Variants in FAM227B observed in about 807,000 individuals in gnomAD.
FAM227B encodes the protein protein FAM227B.
In FAM227B, 88 loss-of-function variants were observed where a neutral mutation model predicts 73.8. The observed-to-expected ratio is 1.19, with a 90% CI of 1.00 to 1.42. The LOEUF is 1.42. Ranked by LOEUF, FAM227B falls within the 40% of genes most tolerant of loss-of-function variation. The pLI is 0.00. For missense variants in FAM227B, 632 were observed against 590.9 expected (o/e 1.07, Z -0.72); for synonymous variants, 210 against 190.5 (o/e 1.10, Z -0.84).
chr15:49,599,330 C>G lies in FAM227B; in HGVS notation c.106-9323G>C, dbSNP rs568850470. ...GATTCTATTTATTTGAATCTTTCTT[C>G]TTTTTTTCCCTTAGTTTAGCTAGAG... On this transcript the variant is annotated intron_variant, in intron 3 of 15. Transcript: ENST00000299338. 7.2e-5 allele frequency among the ~76,000 whole-genome samples: 11 copies of G among 151,978 alleles called. No individual in the cohort carries two copies. The South Asian group carries it at 1.9e-3, about 26-fold the overall frequency.
At chr15:49,500,582 T>C (rs2058057317) in intron 11 of FAM227B, among the ~76,000 whole-genome samples, 2 of 152,220 alleles carry the variant, frequency 1.3e-5, no homozygotes, top group Admixed American at 1.3e-4. Flanking sequence ...CGAGAATAGC[T>C]AAAATTAAAA....
At chr15:49,460,559 T>A (rs1358826823) in intron 11 of FAM227B, among the ~76,000 whole-genome samples, 1 of 152,166 alleles carries the variant, frequency 6.6e-6, no homozygotes, top group Non-Finnish European at 1.5e-5. Flanking sequence ...CAGGCGATCA[T>A]TACCAAATAT....
intron 14 of FAM227B, among the ~76,000 whole-genome samples, chr15:49,334,734 T>C (rs1026796728): frequency 6.6e-6 from 1 of 152,138 alleles, no homozygotes; most frequent in African/African-American, 2.4e-5. Context: ...TTACTTCTCT[T>C]GGAGGTGCTC....
intron 3 of FAM227B, among the ~76,000 whole-genome samples, chr15:49,605,449 C>G (rs1275434910): frequency 6.6e-6 from 1 of 152,242 alleles, no homozygotes; most frequent in African/African-American, 2.4e-5. Flanking sequence ...AGCCTGTACA[C>G]TTAATCTGTG....
chr15:49,384,642 T>C (rs984428319), intron 11 of FAM227B, among the ~76,000 whole-genome samples: 1 of 152,014 alleles, frequency 6.6e-6, no homozygotes, highest in African/African-American at 2.4e-5. Context: ...TTATACCAGA[T>C]TGGCATTGTT....
chr15:49,413,670 T>A (rs909449745), intron 11 of FAM227B, among the ~76,000 whole-genome samples: 3 of 152,122 alleles, frequency 2.0e-5, no homozygotes, highest in Admixed American at 2.0e-4. Context: ...TTATACTTGC[T>A]AATTACAATC....
At chr15:49,581,777 T>C (rs1161223113) in intron 5 of FAM227B, among the ~76,000 whole-genome samples, 11 of 151,908 alleles carry the variant, frequency 7.2e-5, no homozygotes, top group Admixed American at 6.6e-4. Context: ...CTTCAGGGAG[T>C]GCTAAATACG....
chr15:49,402,428 ATTTG>A (rs2048232327), intron 11 of FAM227B, among the ~76,000 whole-genome samples: 1 of 152,134 alleles, frequency 6.6e-6, no homozygotes, highest in African/African-American at 2.4e-5. Context: ...AGGTTTTTCC[ATTTG>A]TTTGTGTCCT....
At chr15:49,569,790 C>T (rs142300785) in intron 8 of FAM227B, among the ~76,000 whole-genome samples, 11 of 152,062 alleles carry the variant, frequency 7.2e-5, no homozygotes, top group Non-Finnish European at 1.5e-4. Flanking sequence ...TGCCATTCAG[C>T]CCAGCCTCTG....
chr15:49,367,633 G>A lies in FAM227B; in HGVS notation c.1111-25C>T, dbSNP rs778236216. ...ACTGTAAGAGGAAGAAAATAATCAA[G>A]ACAACGATTACTTTTGTGTTTCTAA... On this transcript the variant is annotated intron_variant, in intron 12 of 15. Coordinates refer to ENST00000299338, the MANE Select transcript of FAM227B (RefSeq NM_152647.3). The A allele has an allele frequency of 2.6e-6, 4 of 1,529,288 alleles. No homozygotes were observed. The African/African-American group carries it at 5.8e-5, about 22-fold the overall frequency. The allele number at this position is 1,529,288 out of a possible 1,614,324, so 94.7% of individuals were successfully genotyped here. A position where few individuals can be genotyped will look rare whatever the true frequency, so the allele number is the denominator to read the frequency against.
At chr15:49,386,698 C>T (rs978276939) in intron 11 of FAM227B, among the ~76,000 whole-genome samples, 6 of 151,340 alleles carry the variant, frequency 4.0e-5, no homozygotes, top group Non-Finnish European at 8.9e-5. Context: ...TACAAAAGAT[C>T]AATGAAACAA....
intron 3 of FAM227B, among the ~76,000 whole-genome samples, chr15:49,604,399 G>A (rs2077384390): frequency 6.6e-6 from 1 of 151,944 alleles, no homozygotes; most frequent in Admixed American, 6.5e-5. Flanking sequence ...TGGATTTCAA[G>A]GTATCTGCTG....
intron 11 of FAM227B, among the ~76,000 whole-genome samples, chr15:49,500,621 A>G (rs182407002): frequency 6.6e-6 from 1 of 152,396 alleles, no homozygotes; most frequent in East Asian, 1.9e-4. Context: ...GTAAGGAAGT[A>G]AATATAACTT....
At chr15:49,600,083 T>A (rs1354123876) in intron 3 of FAM227B, among the ~76,000 whole-genome samples, 4 of 152,178 alleles carry the variant, frequency 2.6e-5, no homozygotes, top group African/African-American at 4.8e-5. Flanking sequence ...TATATTTAGG[T>A]GTTCTGACAC....
chr15:49,375,946 C>T (rs928566569), intron 11 of FAM227B, among the ~76,000 whole-genome samples: 6 of 152,010 alleles, frequency 3.9e-5, no homozygotes, highest in Non-Finnish European at 7.4e-5. Flanking sequence ...AAATTCTTAA[C>T]CATCTTTGTA....
At position 49,355,513 on chromosome 15, in the gene FAM227B, A is replaced by C. The variant is rs531185781; in HGVS notation, c.1271+11935T>G. 1.4e-4 allele frequency among the ~76,000 whole-genome samples: 21 copies of C among 152,282 alleles called. No homozygotes were observed. In the South Asian group the frequency reaches 2.9e-3, roughly 21 times the overall value. Reference sequence around the variant, plus strand: ...CAGCGATGGAAGATGAAATGAATGAAATGAAGCAAGAAGGGAAGTTTAGAG... The same window carrying C: ...CAGCGATGGAAGATGAAATGAATGACATGAAGCAAGAAGGGAAGTTTAGAG... On this transcript the variant is annotated intron_variant, in intron 13 of 15. Transcript: ENST00000299338.
rs2037780888 is a variant in FAM227B at position 49,327,808 on chromosome 15, T to G, written c.*760A>C. 1 of 665,086 alleles carries G rather than the reference T, an allele frequency of 1.5e-6. No homozygotes were observed. The highest frequency in any genetic ancestry group is 2.4e-5 in the South Asian group (1 of 41,274). The allele number at this position is 665,086 out of a possible 1,614,324, so 41.2% of individuals were successfully genotyped here. ...CTCTGAAACAGTATAAATGTCTTAA[T>G]GTCCTAAAATGTTTGATGACACCTA... On this transcript the variant is annotated 3_prime_UTR_variant, in exon 16 of 16. Coordinates refer to ENST00000299338, the MANE Select transcript of FAM227B (RefSeq NM_152647.3).
chr15:49,541,565 C>A, intron 10 of FAM227B, 115 bp downstream of exon 10: 2 of 914,912 alleles, frequency 2.2e-6, no homozygotes, highest in Non-Finnish European at 3.0e-6. Flanking sequence ...ACTGCTATGG[C>A]ATGCTTTGTA....
At chr15:49,580,884 TCTCAGAC>T (rs1461804989) in intron 5 of FAM227B, among the ~76,000 whole-genome samples, 4 of 152,064 alleles carry the variant, frequency 2.6e-5, no homozygotes, top group Non-Finnish European at 5.9e-5. Context: ...GAGGAATGAA[TCTCAGAC>T]CTCAAAGATT....
Sources: gnomAD v4.1 joint callset for allele counts (sites outside exome capture counted in the v4.1 genomes callset) on GRCh38, gnomAD v4.1.1 for gene constraint, MANE v1.5 for transcripts, NCBI Gene and HGNC (gene_info 2026-07-23, HGNC 2026-07-21) for gene names.